PTCHD4: variants seen among roughly 807,000 people sequenced by gnomAD.
PTCHD4 encodes patched domain containing 4.
In PTCHD4, 33 loss-of-function variants were observed where a neutral mutation model predicts 58.1. The ratio of observed to expected loss-of-function variants is 0.57; its 90% CI spans 0.43 to 0.76. The LOEUF (loss-of-function observed/expected upper bound fraction) is 0.76. PTCHD4 is among the 30% of genes least tolerant of loss of function. PTCHD4 has a pLI of 0.00. For synonymous variants in PTCHD4, 478 were observed against 409.6 expected (o/e 1.17, Z -2.02); for missense variants, 1,058 against 1,027.1 (o/e 1.03, Z -0.41).
chr6:47,914,875 A>G (rs556906177), intron 4 of PTCHD4, among the ~76,000 whole-genome samples: 3 of 152,108 alleles, frequency 2.0e-5, no homozygotes, highest in South Asian at 4.1e-4. Context: ...AAGAAGAAAT[A>G]AAAGAGTGAG....
intron 3 of PTCHD4, among the ~76,000 whole-genome samples, chr6:48,061,934 A>C (rs1235323611): frequency 6.6e-6 from 1 of 152,166 alleles, no homozygotes; most frequent in African/African-American, 2.4e-5. Context: ...TCCAATCAAA[A>C]GGTGTCTTGG....
At chr6:48,105,690 G>A (rs548566731) in intron 1 of PTCHD4, among the ~76,000 whole-genome samples, 2 of 152,026 alleles carry the variant, frequency 1.3e-5, no homozygotes, top group Non-Finnish European at 2.9e-5. Context: ...CAACAAAATT[G>A]ATAGACCGCT....
chr6:48,087,165 G>C (rs1426268566), intron 1 of PTCHD4, among the ~76,000 whole-genome samples: 1 of 152,072 alleles, frequency 6.6e-6, no homozygotes, highest in Non-Finnish European at 1.5e-5. Flanking sequence ...TTTCAGGACA[G>C]GTCTAGCCTC....
intron 3 of PTCHD4, among the ~76,000 whole-genome samples, chr6:48,058,761 C>T (rs751516150): frequency 3.9e-5 from 6 of 152,198 alleles, no homozygotes; most frequent in South Asian, 2.1e-4. Context: ...GACAAGGGTC[C>T]AAGAGATCTT....
At chr6:48,013,658 C>T (rs1050476172) in intron 3 of PTCHD4, among the ~76,000 whole-genome samples, 2 of 152,020 alleles carry the variant, frequency 1.3e-5, no homozygotes, top group Non-Finnish European at 1.5e-5. Flanking sequence ...TTGTTTTAAG[C>T]TTGGTATAAT....
chr6:47,948,196 A>G (rs111695767), intron 4 of PTCHD4, among the ~76,000 whole-genome samples: 5,076 of 152,272 alleles, frequency 0.033, 152 homozygotes, highest in African/African-American at 0.075. Context: ...TGGGGCCTCC[A>G]TTTAGTGCTG....
Position 47,878,364 on chromosome 6 carries a change from T to G in PTCHD4, c.2471A>C (p.Glu824Ala), listed in dbSNP as rs1763902988. 6.2e-7 allele frequency: 1 copy of G among 1,611,888 alleles called. No homozygotes were observed. The highest frequency in any genetic ancestry group is 1.3e-5 in the African/African-American group (1 of 74,736). Reference protein sequence around the residue: ...HKKKKRAKRKEREEIECIEIQ... With the variant: ...HKKKKRAKRKAREEIECIEIQ... ...TTCTATGCATTCAATTTCCTCTCTC[T>G]CCTTTCGCTTGGCACGTTTCTTTTT... The change falls in exon 5 of 5, where the codon GAG (glutamate) becomes GCG (alanine). Residue 824 changes from glutamate to alanine, a missense_variant. Coordinates refer to ENST00000339488, the MANE Select transcript of PTCHD4 (RefSeq NM_001384253.1).
chr6:48,085,672 A>G (rs1765249419), intron 1 of PTCHD4, among the ~76,000 whole-genome samples: 1 of 152,226 alleles, frequency 6.6e-6, no homozygotes, highest in African/African-American at 2.4e-5. Flanking sequence ...TTATACTACA[A>G]CATCAGCAAA....
chr6:48,020,755 T>C (rs1166739325), intron 3 of PTCHD4, among the ~76,000 whole-genome samples: 1 of 152,104 alleles, frequency 6.6e-6, no homozygotes, highest in Non-Finnish European at 1.5e-5. Context: ...AGATACGTGC[T>C]GGGGCTGCAA....
chr6:48,110,431 TA>T (rs1375514053), intron 1 of PTCHD4, among the ~76,000 whole-genome samples: 2 of 151,378 alleles, frequency 1.3e-5, no homozygotes, highest in African/African-American at 4.9e-5. Context: ...ATAGAATACA[TA>T]AAAGAAACAG....
chr6:48,068,705 TG>T lies in PTCHD4; in HGVS notation c.6-65del, dbSNP rs752863896. The T allele has an allele frequency of 8.2e-7, 1 of 1,224,708 alleles. No homozygotes were observed. The highest frequency in any genetic ancestry group is 1.0e-6 in the Non-Finnish European group (1 of 967,244). 75.9% of individuals were successfully genotyped at this position (1,224,708 alleles called of 1,614,324 possible). ...CCCCGTTCTCCCCCATCCCACCCCCTGGGGCCAGTCCCCCCTCCCCACCGCC... is the reference window on the plus strand; with the variant it reads ...CCCCGTTCTCCCCCATCCCACCCCCTGGGCCAGTCCCCCCTCCCCACCGCC... On this transcript the variant is annotated intron_variant, in intron 2 of 4. Transcript: ENST00000339488. The surrounding 1 kb of genome is among the most constrained non-coding windows in gnomAD (Gnocchi z 4.2).
At chr6:47,881,044 C>A (rs1764007559) in intron 4 of PTCHD4, among the ~76,000 whole-genome samples, 1 of 152,090 alleles carries the variant, frequency 6.6e-6, no homozygotes, top group African/African-American at 2.4e-5. Context: ...ACATAGGAAC[C>A]TTTTCTGTGA....
chr6:48,020,374 T>A (rs1763022878), intron 3 of PTCHD4, among the ~76,000 whole-genome samples: 2 of 152,158 alleles, frequency 1.3e-5, no homozygotes, highest in African/African-American at 4.8e-5. Flanking sequence ...GTTGAGGGAT[T>A]CTTGGAAAAA....
chr6:47,997,000 G>A (rs1237021483), intron 4 of PTCHD4, among the ~76,000 whole-genome samples: 1 of 152,224 alleles, frequency 6.6e-6, no homozygotes, highest in Non-Finnish European at 1.5e-5. Context: ...GCCCCGCATT[G>A]TGGCAACACA....
At chr6:47,918,163 T>C (rs972946686) in intron 4 of PTCHD4, among the ~76,000 whole-genome samples, 18 of 152,276 alleles carry the variant, frequency 1.2e-4, no homozygotes, top group African/African-American at 3.4e-4. Context: ...CATTTGGACC[T>C]AAAAAATTTC....
At chr6:48,000,431 A>G (rs2114059615) in intron 4 of PTCHD4, among the ~76,000 whole-genome samples, 1 of 152,328 alleles carries the variant, frequency 6.6e-6, no homozygotes, top group South Asian at 2.1e-4. Flanking sequence ...TTAAGAAAAC[A>G]GCAACCATGT....
chr6:47,918,385 C>A (rs145157636), intron 4 of PTCHD4, among the ~76,000 whole-genome samples: 244 of 152,168 alleles, frequency 1.6e-3, no homozygotes, highest in Non-Finnish European at 2.2e-3. Flanking sequence ...TCCAGATCAA[C>A]CTGGGGAAAT....
intron 3 of PTCHD4, among the ~76,000 whole-genome samples, chr6:48,015,249 T>C (rs12200048): frequency 0.12 from 18,747 of 152,012 alleles, 1,525 homozygotes; most frequent in South Asian, 0.2. Flanking sequence ...CATATCCCTG[T>C]GTACACTGTT....
intron 3 of PTCHD4, among the ~76,000 whole-genome samples, chr6:48,020,204 T>A (rs567549900): frequency 2.0e-5 from 3 of 152,112 alleles, no homozygotes; most frequent in Non-Finnish European, 2.9e-5. Context: ...ATGGCATGAT[T>A]TTTTTTCCTT....
Sources: allele counts gnomAD v4.1 joint callset (sites outside exome capture counted in the v4.1 genomes callset), GRCh38; gene constraint gnomAD v4.1.1; non-coding constraint Gnocchi (gnomAD v3.1); transcripts MANE v1.5; gene names NCBI Gene and HGNC (gene_info 2026-07-23, HGNC 2026-07-21).